Variants in SAMD12 observed in about 807,000 individuals in gnomAD.
SAMD12 encodes sterile alpha motif domain containing 12.
SAMD12 carries 9 observed loss-of-function variants against 15.0 expected under a neutral mutation model. The observed-to-expected ratio is 0.60, with a 90% CI of 0.36 to 1.05. SAMD12 has a LOEUF of 1.05. Among genes scored for constraint, SAMD12 ranks in the 50% least tolerant of loss-of-function variants. The pLI, the probability that SAMD12 is intolerant of heterozygous loss-of-function variation, is 0.01. For missense variants in SAMD12, 230 were observed against 234.2 expected (o/e 0.98, Z 0.12); for synonymous variants, 86 against 90.1 (o/e 0.96, Z 0.25).
chr8:118,229,387 A>C (rs898266298), intron 4 of SAMD12, among the ~76,000 whole-genome samples: 1 of 152,136 alleles, frequency 6.6e-6, no homozygotes, highest in African/African-American at 2.4e-5. Context: ...AAGAAGACTT[A>C]GGAAAATTGT....
intron 1 of SAMD12, among the ~76,000 whole-genome samples, chr8:118,617,281 T>A (rs765518190): frequency 5.9e-5 from 9 of 152,286 alleles, no homozygotes; most frequent in Non-Finnish European, 1.3e-4. Context: ...TGACTGCTTC[T>A]ATTTGTCACA....
intron 2 of SAMD12, among the ~76,000 whole-genome samples, chr8:118,571,057 A>G (rs371655048): frequency 2.6e-5 from 4 of 152,196 alleles, no homozygotes; most frequent in Non-Finnish European, 4.4e-5. Flanking sequence ...GCACAGTCTC[A>G]GGTATGTCTT....
chr8:118,212,034 GAGA>G (rs960697150), intron 4 of SAMD12, among the ~76,000 whole-genome samples: 6 of 151,618 alleles, frequency 4.0e-5, no homozygotes, highest in East Asian at 1.9e-4. Context: ...TGTGTAAAAG[GAGA>G]AGATTTGTGT....
Position 118,410,810 on chromosome 8 carries a change from C to T in SAMD12, c.322+29022G>A, listed in dbSNP as rs530692896. On this transcript the variant is annotated intron_variant, in intron 3 of 3. Transcript: ENST00000314727. ...AAATCTCTGCAATATGAAAATATGG[C>T]TCCTTTTCAAGGCTACAACATTTTG... Among the ~76,000 whole-genome samples the T allele has an allele frequency of 7.9e-5, 12 of 152,286 alleles. No homozygotes were observed. In the South Asian group the frequency reaches 2.5e-3, roughly 32 times the overall value.
At chr8:118,521,667 A>AG (rs58805789) in intron 2 of SAMD12, among the ~76,000 whole-genome samples, 1 of 151,314 alleles carries the variant, frequency 6.6e-6, no homozygotes, top group Non-Finnish European at 1.5e-5. Context: ...TTCTTCCAAG[A>AG]CTGGGCTGTG....
intron 3 of SAMD12, among the ~76,000 whole-genome samples, chr8:118,431,026 CA>C (rs1822387606): frequency 6.6e-6 from 1 of 152,102 alleles, no homozygotes; most frequent in South Asian, 2.1e-4. Flanking sequence ...ATCTTCTCAA[CA>C]CATTATTTAT....
chr8:118,465,064 G>C (rs1352850948), intron 2 of SAMD12, among the ~76,000 whole-genome samples: 1 of 152,144 alleles, frequency 6.6e-6, no homozygotes, highest in Non-Finnish European at 1.5e-5. Context: ...AGCCTTAGTT[G>C]CAACCCTGGC....
At chr8:118,225,448 G>C (rs181404775) in intron 4 of SAMD12, among the ~76,000 whole-genome samples, 1 of 152,148 alleles carries the variant, frequency 6.6e-6, no homozygotes, top group East Asian at 1.9e-4. Context: ...TGCTGCCAGG[G>C]TTTTTGGAGG....
At chr8:118,194,718 T>A (rs1034187079) in exon 5 of SAMD12, 4 of 152,146 alleles carry the variant, frequency 2.6e-5, no homozygotes, top group Non-Finnish European at 5.9e-5. Context: ...CCACAACTAT[T>A]TCTGGATTTC....
At chr8:118,356,347 C>T (rs778176300) in intron 4 of SAMD12, among the ~76,000 whole-genome samples, 4 of 152,160 alleles carry the variant, frequency 2.6e-5, no homozygotes, top group Admixed American at 6.5e-5. Flanking sequence ...AAATGGAAGC[C>T]GGTGTAGGGC....
intron 2 of SAMD12, among the ~76,000 whole-genome samples, chr8:118,477,037 T>G (rs1388874739): frequency 6.6e-6 from 1 of 151,460 alleles, no homozygotes; most frequent in Non-Finnish European, 1.5e-5. Flanking sequence ...AGCACCGAGA[T>G]GGACCACTGG....
chr8:118,152,321 T>A, the SAMD12 span, among the ~76,000 whole-genome samples: 1 of 152,174 alleles, frequency 6.6e-6, no homozygotes, highest in East Asian at 1.9e-4. Flanking sequence ...ACATTTAAGA[T>A]TTAGGATTGG....
chr8:118,197,837 C>A, intron 4 of SAMD12: 1 of 964,066 alleles, frequency 1.0e-6, no homozygotes. Flanking sequence ...CACCCTTAGG[C>A]CAAAGAGAAA....
intron 3 of SAMD12, among the ~76,000 whole-genome samples, chr8:118,404,150 G>A (rs1048942107): frequency 1.3e-5 from 2 of 152,120 alleles, no homozygotes; most frequent in African/African-American, 4.8e-5. Flanking sequence ...GCCCAGCTAA[G>A]TTTTAAAACT....
chr8:118,310,281 G>A (rs1815565226), intron 4 of SAMD12, among the ~76,000 whole-genome samples: 1 of 151,912 alleles, frequency 6.6e-6, no homozygotes, highest in Non-Finnish European at 1.5e-5. Context: ...TGGTTTATCT[G>A]CTTGCTTTTC....
chr8:118,393,230 C>CTTTTT (rs56027654), intron 3 of SAMD12, among the ~76,000 whole-genome samples: 106,893 of 151,504 alleles, frequency 0.71, 38,890 homozygotes, highest in African/African-American at 0.85. Context: ...TTTCTCTTTT[C>CTTTTT]GAGAGAAGGT....
chr8:118,356,917 T>A (rs1027550967), intron 4 of SAMD12, among the ~76,000 whole-genome samples: 2 of 152,198 alleles, frequency 1.3e-5, no homozygotes, highest in Admixed American at 6.5e-5. Context: ...ATTGATCCTA[T>A]CTGCAAACAG....
chr8:118,618,102 C>T (rs1828290405), intron 1 of SAMD12, among the ~76,000 whole-genome samples: 1 of 151,896 alleles, frequency 6.6e-6, no homozygotes, highest in Non-Finnish European at 1.5e-5. Context: ...AAGGTCGTAC[C>T]CTGTTCTGTG....
chr8:118,562,688 G>C (rs1422342358), intron 2 of SAMD12, among the ~76,000 whole-genome samples: 1 of 152,186 alleles, frequency 6.6e-6, no homozygotes, highest in African/African-American at 2.4e-5. Context: ...CAGCATGCAC[G>C]ATGCAGTAAA....
Sources: allele counts gnomAD v4.1 joint callset (sites outside exome capture counted in the v4.1 genomes callset), GRCh38; gene constraint gnomAD v4.1.1; transcripts MANE v1.5; gene names NCBI Gene and HGNC (gene_info 2026-07-23, HGNC 2026-07-21).